SPMAP2L: variants seen among roughly 807,000 people sequenced by gnomAD.
The protein encoded by SPMAP2L is sperm microtubule associated protein 2-like.
chr4:56,550,982 T>C, the SPMAP2L span, among the ~76,000 whole-genome samples: 3 of 150,150 alleles, frequency 2.0e-5, no homozygotes, highest in African/African-American at 7.3e-5. Flanking sequence ...GCTGAGAGGT[T>C]ATACAAATGT....
At chr4:56,608,715 A>C in the SPMAP2L span, among the ~76,000 whole-genome samples, 1 of 152,154 alleles carries the variant, frequency 6.6e-6, no homozygotes, top group Non-Finnish European at 1.5e-5. Context: ...AGCCATGAGA[A>C]TAGGGCCACC....
At chr4:56,544,976 C>T in the SPMAP2L span, among the ~76,000 whole-genome samples, 20 of 152,206 alleles carry the variant, frequency 1.3e-4, no homozygotes, top group Non-Finnish European at 2.6e-4. Flanking sequence ...TCGAGCCTGT[C>T]CTATACCACT....
At chr4:56,551,670 C>T in the SPMAP2L span, among the ~76,000 whole-genome samples, 187 of 152,228 alleles carry the variant, frequency 1.2e-3, no homozygotes, top group Non-Finnish European at 2.2e-3. Flanking sequence ...CCAACCAAGG[C>T]CATACACAGT....
the SPMAP2L span, among the ~76,000 whole-genome samples, chr4:56,586,226 G>A: frequency 6.6e-6 from 1 of 152,076 alleles, no homozygotes; most frequent in African/African-American, 2.4e-5. Flanking sequence ...TTAAACAAAA[G>A]ATATTTATTT....
chr4:56,559,146 C>G, the SPMAP2L span, among the ~76,000 whole-genome samples: 1 of 151,734 alleles, frequency 6.6e-6, no homozygotes. Flanking sequence ...GTTGGCCAAG[C>G]TAGTCTCGAA....
At chr4:56,574,912 G>A in the SPMAP2L span, among the ~76,000 whole-genome samples, 1 of 151,804 alleles carries the variant, frequency 6.6e-6, no homozygotes, top group African/African-American at 2.4e-5. Context: ...AGCCCAGGAG[G>A]TTGAGGCTGC....
At chr4:56,616,447 G>C in the SPMAP2L span, among the ~76,000 whole-genome samples, 75,538 of 151,996 alleles carry the variant, frequency 0.5, 20,083 homozygotes, top group African/African-American at 0.69. Flanking sequence ...CAGCTCCTAA[G>C]AGGCTGCTTG....
chr4:56,612,284 C>A, the SPMAP2L span, among the ~76,000 whole-genome samples: 747 of 152,310 alleles, frequency 4.9e-3, 7 homozygotes, highest in African/African-American at 0.017. Context: ...CATTTTATGA[C>A]GTTGTTGGTA....
At chr4:56,553,877 T>C in the SPMAP2L span, among the ~76,000 whole-genome samples, 1 of 152,216 alleles carries the variant, frequency 6.6e-6, no homozygotes, top group Admixed American at 6.5e-5. Flanking sequence ...CCACTACTGA[T>C]CTATTTACTG....
At chr4:56,608,125 A>G in the SPMAP2L span, among the ~76,000 whole-genome samples, 1 of 152,032 alleles carries the variant, frequency 6.6e-6, no homozygotes, top group Non-Finnish European at 1.5e-5. Context: ...TGACAAAAAG[A>G]AAAAAAAGAA....
the SPMAP2L span, among the ~76,000 whole-genome samples, chr4:56,544,209 G>C: frequency 6.6e-6 from 1 of 151,878 alleles, no homozygotes; most frequent in Admixed American, 6.6e-5. Context: ...GGCTGGTCTC[G>C]AACTCCTGAG....
chr4:56,581,634 A>G, the SPMAP2L span, among the ~76,000 whole-genome samples: 1,093 of 152,242 alleles, frequency 7.2e-3, 16 homozygotes, highest in African/African-American at 0.025. Context: ...AAAAAAAAGA[A>G]TAATTCCAGC....
At chr4:56,594,335 A>T in the SPMAP2L span, 29 of 1,524,958 alleles carry the variant, frequency 1.9e-5, no homozygotes, top group African/African-American at 3.3e-4. Flanking sequence ...ATCCTGCACC[A>T]TGAAACTGAA....
the SPMAP2L span, among the ~76,000 whole-genome samples, chr4:56,617,832 T>C: frequency 6.6e-6 from 1 of 152,222 alleles, no homozygotes; most frequent in African/African-American, 2.4e-5. Context: ...TCTCAGCAGA[T>C]GGGGGAGCCA....
chr4:56,575,235 C>G, the SPMAP2L span, among the ~76,000 whole-genome samples: 1 of 143,992 alleles, frequency 6.9e-6, no homozygotes, highest in Non-Finnish European at 1.5e-5. Context: ...GGCGACAGAG[C>G]GAGACTCCAT....
the SPMAP2L span, among the ~76,000 whole-genome samples, chr4:56,610,324 C>T: frequency 6.6e-6 from 1 of 152,062 alleles, no homozygotes; most frequent in Non-Finnish European, 1.5e-5. Flanking sequence ...CTTGGCAAAG[C>T]AAACAAAAAC....
the SPMAP2L span, chr4:56,593,398 C>T: frequency 1.5e-6 from 2 of 1,339,796 alleles, no homozygotes; most frequent in Non-Finnish European, 2.2e-6. Flanking sequence ...GCTGAAGTTA[C>T]CCTGTGAAAT....
At chr4:56,599,922 A>T in the SPMAP2L span, among the ~76,000 whole-genome samples, 1 of 152,090 alleles carries the variant, frequency 6.6e-6, no homozygotes, top group South Asian at 2.1e-4. Context: ...AACATCACTG[A>T]TCATTAGAGA....
the SPMAP2L span, among the ~76,000 whole-genome samples, chr4:56,539,777 C>T: frequency 6.6e-6 from 1 of 152,170 alleles, no homozygotes; most frequent in South Asian, 2.1e-4. Flanking sequence ...AGTCTCATGA[C>T]CATGCTACTT....
Sources: gnomAD v4.1 joint callset for allele counts (sites outside exome capture counted in the v4.1 genomes callset) on GRCh38, gnomAD v4.1.1 for gene constraint, MANE v1.5 for transcripts, NCBI Gene and HGNC (gene_info 2026-07-23, HGNC 2026-07-21) for gene names.